CPT1A: variants seen among roughly 807,000 people sequenced by gnomAD.
The protein encoded by CPT1A is carnitine O-palmitoyltransferase 1, liver isoform.
Under a neutral mutation model 100.8 loss-of-function variants are expected in CPT1A, and 64 were observed. The observed-to-expected ratio is 0.63, with a 90% CI of 0.52 to 0.78. The LOEUF is 0.78. Ranked by LOEUF, CPT1A falls within the 30% of genes least tolerant of loss-of-function variation. The pLI is 0.00. For missense variants in CPT1A, 802 were observed against 1,034.1 expected (o/e 0.78, Z 3.08); for synonymous variants, 363 against 396.0 (o/e 0.92, Z 0.99).
At chr11:68,786,166 A>C in intron 9 of CPT1A, 1 of 662,218 alleles carries the variant, frequency 1.5e-6, no homozygotes, top group East Asian at 2.8e-5. Context: ...GTTTGGGATC[A>C]GCCTGGGCAA....
intron 1 of CPT1A, chr11:68,818,517 C>T (rs1362107454): frequency 6.6e-6 from 1 of 152,264 alleles, no homozygotes; most frequent in Non-Finnish European, 1.5e-5. Flanking sequence ...GGCAAAACTA[C>T]CTTCCACCAG....
intron 9 of CPT1A, among the ~76,000 whole-genome samples, chr11:68,788,137 G>A (rs1415870316): frequency 2.0e-5 from 3 of 152,150 alleles, no homozygotes; most frequent in East Asian, 3.9e-4. Context: ...GCAGTCTGTG[G>A]TATTTGTTAT....
In CPT1A at chr11:68,759,626, A is replaced by G. The variant is rs200501379; in HGVS notation, c.2178T>C (p.Leu726=). 71 of 1,613,890 alleles carry G rather than the reference A, an allele frequency of 4.4e-5. No individual in the cohort carries two copies. The highest frequency in any genetic ancestry group is 1.1e-5 in the Non-Finnish European group (13 of 1,179,874). ...GGAAATTGATGAGGTTCTCTCCCACAAGGATGTACGACACACCATAGCCGT... is the reference window on the plus strand; with the variant it reads ...GGAAATTGATGAGGTTCTCTCCCACGAGGATGTACGACACACCATAGCCGT... ...ADDGYGVSYI[L]VGENLINFHI... Residue 726 remains leucine, a synonymous_variant, in exon 18 of 19, where the codon CTT becomes CTC. Coordinates refer to ENST00000265641, the MANE Select transcript of CPT1A (RefSeq NM_001876.4).
chr11:68,788,824 A>G (rs1477781955), intron 9 of CPT1A, among the ~76,000 whole-genome samples: 1 of 152,134 alleles, frequency 6.6e-6, no homozygotes, highest in Non-Finnish European at 1.5e-5. Context: ...ATGAAGGGAA[A>G]AGGGTATTTT....
intron 1 of CPT1A, among the ~76,000 whole-genome samples, chr11:68,828,094 C>T (rs148905971): frequency 6.6e-6 from 1 of 152,328 alleles, no homozygotes; most frequent in Non-Finnish European, 1.5e-5. Flanking sequence ...CTGGGGCAGA[C>T]TTCCTTATGC....
chr11:68,820,324 G>GTAA (rs1856548816), intron 1 of CPT1A, among the ~76,000 whole-genome samples: 4 of 151,992 alleles, frequency 2.6e-5, no homozygotes, highest in Non-Finnish European at 2.9e-5. Flanking sequence ...GAGCCACCAT[G>GTAA]TCTAGTGATT....
Position 68,841,723 on chromosome 11 carries a change from A to G in CPT1A, c.-14+52T>C. 1.1e-6 allele frequency: 1 copy of G among 908,108 alleles called. No individual in the cohort carries two copies. Among genetic ancestry groups the G allele is most frequent in the Non-Finnish European group, 1.3e-6 (1 of 759,420 alleles). 56.3% of individuals were successfully genotyped at this position (908,108 alleles called of 1,614,324 possible). On this transcript the variant is annotated intron_variant, in intron 1 of 18. Coordinates refer to ENST00000265641, the MANE Select transcript of CPT1A (RefSeq NM_001876.4). This position sits in a 1 kb window ranked among gnomAD's most constrained non-coding sequence, Gnocchi z 6.3. ...CGCCCCGCCCGTCCCCGGCCCCCGCAGCCCGCAGGGCCGCCCCGCCACCCT... is the reference window on the plus strand; with the variant it reads ...CGCCCCGCCCGTCCCCGGCCCCCGCGGCCCGCAGGGCCGCCCCGCCACCCT...
chr11:68,782,007 T>A (rs1010224425), intron 10 of CPT1A, 48 bp from the exon 11 acceptor site: 13 of 1,517,244 alleles, frequency 8.6e-6, no homozygotes, highest in African/African-American at 1.4e-5. Context: ...CCTGCAGCGA[T>A]GGAGCGTGAT....
chr11:68,773,601 ACCCCGGAG>A, intron 13 of CPT1A, 172 bp from the exon 14 acceptor site: 1 of 1,189,498 alleles, frequency 8.4e-7, no homozygotes, highest in East Asian at 2.6e-5. Flanking sequence ...TGGCTCCCTG[ACCCCGGAG>A]GAGCAGCTGC....
At chr11:68,771,429 T>C (rs535739180) in intron 14 of CPT1A, among the ~76,000 whole-genome samples, 1 of 152,228 alleles carries the variant, frequency 6.6e-6, no homozygotes, top group African/African-American at 2.4e-5. Context: ...TACTGCACGT[T>C]TACGGGCAAA....
At chr11:68,760,841 C>T (rs181841877) in intron 16 of CPT1A, among the ~76,000 whole-genome samples, 331 of 142,750 alleles carry the variant, frequency 2.3e-3, no homozygotes, top group African/African-American at 7.6e-3. Context: ...GGTGAAACCC[C>T]GTCTCTACTA....
chr11:68,822,732 T>C (rs1359653442), intron 1 of CPT1A, among the ~76,000 whole-genome samples: 2 of 152,164 alleles, frequency 1.3e-5, no homozygotes, highest in East Asian at 1.9e-4. Flanking sequence ...CCATCCATAC[T>C]GTGGAATAGT....
intron 12 of CPT1A, among the ~76,000 whole-genome samples, chr11:68,778,728 G>C (rs1855211493): frequency 6.6e-6 from 1 of 151,690 alleles, no homozygotes; most frequent in South Asian, 2.1e-4. Context: ...AACATTCACA[G>C]AAGTTTAAAG....
intron 8 of CPT1A, 31 bp from the exon 9 acceptor site, chr11:68,793,433 C>T (rs747889231): frequency 1.6e-5 from 25 of 1,555,636 alleles, no homozygotes; most frequent in Admixed American, 7.1e-5. Flanking sequence ...AAACCAACAA[C>T]GAAAATCCCA....
intron 12 of CPT1A, among the ~76,000 whole-genome samples, chr11:68,775,939 A>T (rs1318866023): frequency 6.6e-6 from 1 of 152,264 alleles, no homozygotes; most frequent in Non-Finnish European, 1.5e-5. Flanking sequence ...TCAGAGCAGC[A>T]TTATTCATAA....
At chr11:68,835,707 G>C (rs1399935742) in intron 1 of CPT1A, among the ~76,000 whole-genome samples, 2 of 152,178 alleles carry the variant, frequency 1.3e-5, no homozygotes, top group Admixed American at 6.5e-5. Flanking sequence ...AGTCTGCATG[G>C]GGTAGGGAGT....
intron 14 of CPT1A, among the ~76,000 whole-genome samples, chr11:68,766,496 A>AT (rs1023655594): frequency 4.6e-5 from 7 of 151,852 alleles, no homozygotes; most frequent in Non-Finnish European, 8.8e-5. Flanking sequence ...TTTATTTTTT[A>AT]TTTTTTTGAG....
intron 10 of CPT1A, among the ~76,000 whole-genome samples, chr11:68,784,465 C>T (rs941855438): frequency 1.1e-4 from 17 of 151,938 alleles, no homozygotes; most frequent in African/African-American, 3.1e-4. Context: ...ACCTGGGAGG[C>T]GGAGGTTGCT....
upstream of CPT1A, among the ~76,000 whole-genome samples, chr11:68,842,696 G>T (rs955874484): frequency 1.3e-5 from 2 of 152,318 alleles, no homozygotes; most frequent in African/African-American, 4.8e-5. Flanking sequence ...CAGAGCGACC[G>T]AGAGACCCTT....
Sources: allele counts gnomAD v4.1 joint callset (sites outside exome capture counted in the v4.1 genomes callset), GRCh38; gene constraint gnomAD v4.1.1; non-coding constraint Gnocchi (gnomAD v3.1); transcripts MANE v1.5; gene names NCBI Gene and HGNC (gene_info 2026-07-23, HGNC 2026-07-21).